The following ELAPOR1 variants were observed in gnomAD, a reference collection of about 807,000 sequenced individuals.
ELAPOR1 encodes the protein endosome-lysosome associated apoptosis and autophagy regulator 1, also known as endosome/lysosome-associated apoptosis and autophagy regulator 1.
Under a neutral mutation model 119.7 loss-of-function variants are expected in ELAPOR1, and 77 were observed. The ratio of observed to expected loss-of-function variants is 0.64; its 90% CI spans 0.54 to 0.78. ELAPOR1 has a LOEUF of 0.78. ELAPOR1 is among the 30% of genes least tolerant of loss of function. The pLI is 0.00. For missense variants in ELAPOR1, 1,115 were observed against 1,270.4 expected (o/e 0.88, Z 1.86); for synonymous variants, 481 against 487.2 (o/e 0.99, Z 0.17).
chr1:109,170,515 TGAGA>T (rs1203553589), intron 3 of ELAPOR1, among the ~76,000 whole-genome samples: 1 of 151,916 alleles, frequency 6.6e-6, no homozygotes, highest in Non-Finnish European at 1.5e-5. Flanking sequence ...GGAGTTAAAC[TGAGA>T]GAGAGAGGAG....
intron 1 of ELAPOR1, among the ~76,000 whole-genome samples, chr1:109,136,857 C>T (rs1649504055): frequency 6.6e-6 from 1 of 152,196 alleles, no homozygotes. Context: ...AAGTCACAGA[C>T]ACACGTGAGT....
At chr1:109,147,177 A>G (rs1650229605) in intron 1 of ELAPOR1, among the ~76,000 whole-genome samples, 1 of 151,804 alleles carries the variant, frequency 6.6e-6, no homozygotes, top group South Asian at 2.1e-4. Context: ...CAGCCTCCCA[A>G]AGTGCTGGGA....
chr1:109,187,727 C>T, intron 8 of ELAPOR1: 1 of 872,192 alleles, frequency 1.1e-6, no homozygotes, highest in Non-Finnish European at 1.4e-6. Context: ...AAAGAATGTA[C>T]CACTCAAAAA....
chr1:109,147,429 C>G (rs968906400), intron 1 of ELAPOR1, among the ~76,000 whole-genome samples: 1 of 151,974 alleles, frequency 6.6e-6, no homozygotes, highest in Non-Finnish European at 1.5e-5. Context: ...CATTGATTGT[C>G]AAGGATTATG....
intron 1 of ELAPOR1, chr1:109,161,545 T>TAAATTCTACACTTTGGAATAAGAA (rs1240440669): frequency 1.2e-5 from 2 of 163,972 alleles, no homozygotes; most frequent in Non-Finnish European, 2.6e-5. Context: ...TCCTCGTTCA[T>TAAATTCTACACTTTGGAATAAGAA]AAATTCTACA....
At chr1:109,198,545 C>A in intron 17 of ELAPOR1, 28 bp from the exon 18 acceptor site, 1 of 1,589,020 alleles carries the variant, frequency 6.3e-7, no homozygotes, top group Non-Finnish European at 8.6e-7. Flanking sequence ...GTGACTCATT[C>A]CCTCATGGGG....
rs1653458977 is a variant in ELAPOR1, at chr1:109,191,859, A to T, written c.1679A>T (p.Glu560Val). 1.2e-6 allele frequency: 2 copies of T among 1,614,162 alleles called. No individual in the cohort carries two copies. The highest frequency in any genetic ancestry group is 1.7e-6 in the Non-Finnish European group (2 of 1,180,010). The change falls in exon 13 of 22, where the codon GAG becomes GTG. Residue 560 changes from glutamate (E) to valine (V), a missense_variant. Physicochemically the swap from Glu to Val is moderately radical, Grantham distance 121. Coordinates refer to ENST00000369939, the MANE Select transcript of ELAPOR1 (RefSeq NM_020775.5). ...TWAFQRTTFH[E>V]ASRKYTNDVA... is the part of the protein sequence containing the mutation. ...GCCTTCCAGAGGACCACTTTTCATG[A>T]GGCAGTAAGTTCCTCCCCTTCCTCA...
chr1:109,177,323 G>T lies in ELAPOR1; in HGVS notation c.952+3486G>T, dbSNP rs1420083320. ...GACGGGGTGGCTGCTGGGCGGAGGG[G>T]CTCCTCACTTCTCAGACCGGGCGGC... On this transcript the variant is annotated intron_variant, in intron 7 of 21. Transcript: ENST00000369939. Among the ~76,000 whole-genome samples, 7 of 130,152 alleles carry T rather than the reference G, an allele frequency of 5.4e-5. No individual in the cohort carries two copies. In the South Asian group the frequency reaches 1.3e-3, roughly 24 times the overall value. The allele number at this position is 130,152 out of a possible 152,430, so 85.4% of individuals were successfully genotyped here.
At chr1:109,145,702 T>G (rs1650135892) in intron 1 of ELAPOR1, among the ~76,000 whole-genome samples, 1 of 151,988 alleles carries the variant, frequency 6.6e-6, no homozygotes, top group Non-Finnish European at 1.5e-5. Context: ...CTAGGTTCCC[T>G]TGCAGATTTG....
intron 8 of ELAPOR1, chr1:109,186,545 G>T: frequency 2.0e-6 from 2 of 985,420 alleles, no homozygotes; most frequent in Non-Finnish European, 2.4e-6. Context: ...CCTCCCCCAC[G>T]TATTTGGGGC....
At position 109,202,946 on chromosome 1, in the gene ELAPOR1, G is replaced by A; in HGVS notation, c.2976G>A (p.Arg992=). Residue 992 remains arginine, a splice_region_variant and synonymous_variant, in exon 22 of 22, where the codon AGG becomes AGA. Transcript: ENST00000369939. The part of the protein sequence containing the change: ...FGKIKSFTSK[R]TPDGFDSVPL... The stretch of plus-strand genomic sequence containing the variant: ...TCCTGTCACCATCTCTCTTTCAGAG[G>A]ACTCCTGATGGATTTGACTCAGTGC... The A allele has an allele frequency of 6.2e-7, 1 of 1,613,744 alleles. No individual in the cohort carries two copies. Among genetic ancestry groups the A allele is most frequent in the South Asian group, 1.1e-5 (1 of 90,954 alleles).
chr1:109,116,680 C>CTTT (rs71069649), intron 1 of ELAPOR1, among the ~76,000 whole-genome samples: 36 of 96,862 alleles, frequency 3.7e-4, no homozygotes, highest in African/African-American at 1.1e-3. Flanking sequence ...CTTCTCTGTT[C>CTTT]TTTTTTTTTT....
intron 20 of ELAPOR1, 67 bp from the exon 21 acceptor site, chr1:109,200,666 CCT>C: frequency 6.7e-7 from 1 of 1,483,764 alleles, no homozygotes; most frequent in Non-Finnish European, 9.3e-7. Flanking sequence ...CATAGCCTAA[CCT>C]CTCTACCTCT....
chr1:109,144,468 C>T (rs577762321), intron 1 of ELAPOR1, among the ~76,000 whole-genome samples: 2 of 152,198 alleles, frequency 1.3e-5, no homozygotes, highest in African/African-American at 4.8e-5. Flanking sequence ...AGGTAGGGTG[C>T]AGTGGCTCAT....
chr1:109,167,669 C>T (rs1309196466), intron 3 of ELAPOR1, among the ~76,000 whole-genome samples: 1 of 152,090 alleles, frequency 6.6e-6, no homozygotes, highest in Non-Finnish European at 1.5e-5. Context: ...AGTGCAATGG[C>T]GCAATCACAG....
Position 109,200,099 on chromosome 1 carries a change from G to A in ELAPOR1, c.2669G>A (p.Gly890Asp), listed in dbSNP as rs1654074505. 7 of 1,614,064 alleles carry A rather than the reference G, an allele frequency of 4.3e-6. No homozygotes were observed. Among genetic ancestry groups the A allele is most frequent in the Non-Finnish European group, 5.9e-6 (7 of 1,180,054 alleles). ...TGGCGAGAACCCAAGCTATGCTCTG[G>A]TGGCATTTCTCTGCCTGAGCAGAGA... ...YVWREPKLCS[G>D]GISLPEQRVT... The change falls in exon 20 of 22, where the codon GGT (glycine) becomes GAT (aspartate). Residue 890 changes from glycine to aspartate, a missense_variant. Physicochemically the swap from Gly to Asp is moderately conservative, Grantham distance 94. Coordinates refer to ENST00000369939, the MANE Select transcript of ELAPOR1 (RefSeq NM_020775.5).
intron 7 of ELAPOR1, among the ~76,000 whole-genome samples, chr1:109,175,826 C>CAAAAAAA (rs55824923): frequency 1.0e-4 from 9 of 88,442 alleles, no homozygotes; most frequent in Non-Finnish European, 1.3e-4. Flanking sequence ...GACTCAGTCT[C>CAAAAAAA]AAAAAAAAAA....
At chr1:109,156,540 A>T (rs1388221628) in intron 1 of ELAPOR1, among the ~76,000 whole-genome samples, 1 of 150,098 alleles carries the variant, frequency 6.7e-6, no homozygotes, top group Non-Finnish European at 1.5e-5. Context: ...GTCTCTATGA[A>T]TTTGACTACT....
chr1:109,190,266 A>G (rs1051488621), intron 11 of ELAPOR1, among the ~76,000 whole-genome samples: 5 of 152,242 alleles, frequency 3.3e-5, no homozygotes, highest in African/African-American at 4.8e-5. Flanking sequence ...TCACCTGTTC[A>G]GGCTTCGGGC....
Sources: gnomAD v4.1 joint callset for allele counts (sites outside exome capture counted in the v4.1 genomes callset) on GRCh38, gnomAD v4.1.1 for gene constraint, MANE v1.5 for transcripts, NCBI Gene and HGNC (gene_info 2026-07-23, HGNC 2026-07-21) for gene names.